CFAP58: variants seen among roughly 807,000 people sequenced by gnomAD.
CFAP58 encodes cilia and flagella associated protein 58.
CFAP58 carries 88 observed loss-of-function variants against 119.5 expected under a neutral mutation model. The ratio of observed to expected loss-of-function variants is 0.74; its 90% CI spans 0.62 to 0.88. The LOEUF is 0.88. Among genes scored for constraint, CFAP58 ranks in the 40% least tolerant of loss-of-function variants. The probability of loss-of-function intolerance (pLI) is 0.00; values close to 1 mark genes in which losing one functional copy is unlikely to be tolerated. For missense variants in CFAP58, 990 were observed against 1,021.2 expected (o/e 0.97, Z 0.42); for synonymous variants, 365 against 366.3 (o/e 1.00, Z 0.04).
chr10:104,416,365 C>G (rs1053761806), intron 15 of CFAP58, among the ~76,000 whole-genome samples: 1 of 152,138 alleles, frequency 6.6e-6, no homozygotes, highest in African/African-American at 2.4e-5. Flanking sequence ...AGGGGCATAT[C>G]CCTCAGATAA....
chr10:104,438,341 G>GTTTTTTTTTTTT (rs1325921091), intron 15 of CFAP58, among the ~76,000 whole-genome samples: 1 of 101,290 alleles, frequency 9.9e-6, no homozygotes, highest in African/African-American at 4.5e-5. Context: ...TTTGTTTTTT[G>GTTTTTTTTTTTT]TTTTTTGTTT....
At chr10:104,421,423 T>G (rs1256837696) in intron 15 of CFAP58, among the ~76,000 whole-genome samples, 2 of 152,232 alleles carry the variant, frequency 1.3e-5, no homozygotes, top group African/African-American at 4.8e-5. Context: ...ATATATCCCC[T>G]GCCTATGTGC....
chr10:104,364,011 C>T (rs1314118056), intron 3 of CFAP58, among the ~76,000 whole-genome samples: 1 of 152,172 alleles, frequency 6.6e-6, no homozygotes, highest in Non-Finnish European at 1.5e-5. Context: ...AACTGGTTTA[C>T]AATTCAAATC....
chr10:104,374,140 T>TA (rs977376330), intron 7 of CFAP58, among the ~76,000 whole-genome samples: 13 of 152,074 alleles, frequency 8.5e-5, no homozygotes, highest in African/African-American at 2.9e-4. Flanking sequence ...GAGCTCTTTG[T>TA]TACATGTAAA....
In CFAP58 at chr10:104,353,926, C is replaced by T; in HGVS notation, c.9+20C>T. 6.2e-7 allele frequency: 1 copy of T among 1,613,536 alleles called. No individual in the cohort carries two copies. The highest frequency in any genetic ancestry group is 1.1e-5 in the South Asian group (1 of 91,064). On this transcript the variant is annotated intron_variant, in intron 1 of 17. Coordinates refer to ENST00000369704, the MANE Select transcript of CFAP58 (RefSeq NM_001008723.2). ...GCTGAGGTCAGGAGTCAGCGCCCCT[C>T]TGTCGCCTTTCCCTTGACCCCTCCC...
chr10:104,419,746 TA>T (rs1170952634), intron 15 of CFAP58, among the ~76,000 whole-genome samples: 1 of 152,196 alleles, frequency 6.6e-6, no homozygotes, highest in Non-Finnish European at 1.5e-5. Flanking sequence ...GCCTATCTCC[TA>T]GAGTTATTGG....
At chr10:104,377,404 G>A (rs1454070370) in intron 8 of CFAP58, among the ~76,000 whole-genome samples, 1 of 152,162 alleles carries the variant, frequency 6.6e-6, no homozygotes, top group Non-Finnish European at 1.5e-5. Context: ...AGCTCAGTGT[G>A]GTCCAAAGCT....
Position 104,400,873 on chromosome 10 carries a change from C to T in CFAP58, c.2009C>T (p.Ala670Val), listed in dbSNP as rs776935449. The T allele has an allele frequency of 1.1e-5, 18 of 1,614,014 alleles. 1 individual carries two copies. The highest frequency in any genetic ancestry group is 1.4e-5 in the Non-Finnish European group (17 of 1,179,964). Residue 670 changes from alanine to valine, a missense_variant, in exon 13 of 18, where the codon GCC becomes GTC. By Grantham distance (64) the Ala-to-Val change is moderately conservative (BLOSUM62 0). Transcript: ENST00000369704. Reference sequence around the variant, plus strand: ...CTTCGCCGGGAAAAGGGGATTCTTGCCAGGAGTATGGCTAATGTTGAAGAA... The same window carrying T: ...CTTCGCCGGGAAAAGGGGATTCTTGTCAGGAGTATGGCTAATGTTGAAGAA... ...KKLRREKGIL[A>V]RSMANVEELR...
In CFAP58 at chr10:104,358,491, T is replaced by C. The variant is rs748155285; in HGVS notation, c.160T>C (p.Tyr54His). ...ERLHAVMKKSYDNEKRLMAKC... is the reference protein window; with the variant it reads ...ERLHAVMKKSHDNEKRLMAKC... Reference sequence around the variant, plus strand: ...GCTTCATGCTGTCATGAAAAAGTCTTATGACAATGAAAAGCGTCTGATGGC... The same window carrying C: ...GCTTCATGCTGTCATGAAAAAGTCTCATGACAATGAAAAGCGTCTGATGGC... The change falls in exon 2 of 18, where the codon TAT becomes CAT. Residue 54 changes from tyrosine (Y) to histidine (H), a missense_variant. Tyr to His is a moderately conservative substitution (Grantham distance 83). Coordinates refer to ENST00000369704, the MANE Select transcript of CFAP58 (RefSeq NM_001008723.2). 1 of 1,614,100 alleles carries C rather than the reference T, an allele frequency of 6.2e-7. No individual in the cohort carries two copies.
chr10:104,450,704 TA>T (rs1429131711), intron 17 of CFAP58, among the ~76,000 whole-genome samples: 39 of 145,852 alleles, frequency 2.7e-4, no homozygotes, highest in East Asian at 1.6e-3. Flanking sequence ...TTTATTTATT[TA>T]TTTATTTTTG....
At chr10:104,354,702 T>C (rs2014517964) in intron 1 of CFAP58, among the ~76,000 whole-genome samples, 1 of 152,144 alleles carries the variant, frequency 6.6e-6, no homozygotes, top group Non-Finnish European at 1.5e-5. Flanking sequence ...CAGGACCAGC[T>C]ACATGATTTG....
intron 13 of CFAP58, among the ~76,000 whole-genome samples, chr10:104,401,500 C>T (rs1291736113): frequency 2.6e-5 from 4 of 152,200 alleles, no homozygotes; most frequent in Non-Finnish European, 5.9e-5. Flanking sequence ...GATCTACTTT[C>T]CCTTTGGGAA....
chr10:104,369,478 C>A (rs1019574038), intron 6 of CFAP58, among the ~76,000 whole-genome samples: 2 of 152,166 alleles, frequency 1.3e-5, no homozygotes, highest in African/African-American at 4.8e-5. Flanking sequence ...CTAATTTGAA[C>A]CCTATAGGGT....
At chr10:104,367,040 G>A (rs1379293888) in intron 5 of CFAP58, among the ~76,000 whole-genome samples, 3 of 151,878 alleles carry the variant, frequency 2.0e-5, no homozygotes, top group Non-Finnish European at 4.4e-5. Flanking sequence ...TATATTTTTA[G>A]TAGAGACAGG....
intron 15 of CFAP58, among the ~76,000 whole-genome samples, chr10:104,422,662 A>G (rs867755010): frequency 6.6e-5 from 10 of 152,162 alleles, no homozygotes; most frequent in Non-Finnish European, 1.5e-4. Context: ...TAGTGTCTGA[A>G]CTACCTGTCT....
chr10:104,358,601 C>A lies in CFAP58; in HGVS notation c.270C>A (p.Thr90=). 6.2e-7 allele frequency: 1 copy of A among 1,613,174 alleles called. No homozygotes were observed. The highest frequency in any genetic ancestry group is 8.5e-7 in the Non-Finnish European group (1 of 1,179,348). Residue 90 remains threonine (T), a synonymous_variant, in exon 2 of 18, where the codon ACC becomes ACA. Coordinates refer to ENST00000369704, the MANE Select transcript of CFAP58 (RefSeq NM_001008723.2). ...TTAAGCTCTCTCAGGATGATCAGACCACCATTGCATCCCTAAAGAAGGTCA... is the reference window on the plus strand; with the variant it reads ...TTAAGCTCTCTCAGGATGATCAGACAACCATTGCATCCCTAAAGAAGGTCA... ...TALKLSQDDQ[T]TIASLKKEIE...
At position 104,407,848 on chromosome 10, in the gene CFAP58, C is replaced by T. The variant is rs192758980; in HGVS notation, c.2256+1055C>T. The stretch of plus-strand genomic sequence containing the variant: ...AGTAGCTGGGGTTACAGGTGTGTGC[C>T]ACCATGCCTGGCTAATTTTTGTATT... On this transcript the variant is annotated intron_variant, in intron 15 of 17. Transcript: ENST00000369704. Among the ~76,000 whole-genome samples the T allele has an allele frequency of 4.6e-5, 7 of 152,224 alleles. No individual in the cohort carries two copies. In the East Asian group the frequency reaches 1.4e-3, roughly 29 times the overall value.
rs2012372128 is a variant in CFAP58 at position 104,406,912 on chromosome 10, CA to C, written c.2256+121del. 4.2e-6 allele frequency: 3 copies of C among 706,966 alleles called. No homozygotes were observed. The South Asian group carries it at 5.3e-5, about 12-fold the overall frequency. 43.8% of individuals were successfully genotyped at this position (706,966 alleles called of 1,614,324 possible). ...ATGTCCTGTATTTAACTGTAGATGG[CA>C]ACAGTGACTTACACATAAAGAACAA... On this transcript the variant is annotated intron_variant, in intron 15 of 17. Transcript: ENST00000369704.
Position 104,400,748 on chromosome 10 carries a change from T to C in CFAP58, c.1884T>C (p.Tyr628=), listed in dbSNP as rs1181581556. The C allele has an allele frequency of 1.9e-6, 3 of 1,614,144 alleles. No individual in the cohort carries two copies. In the East Asian group the frequency reaches 6.7e-5, roughly 36 times the overall value. Residue 628 remains tyrosine, a synonymous_variant, in exon 13 of 18, where the codon TAT becomes TAC. Coordinates refer to ENST00000369704, the MANE Select transcript of CFAP58 (RefSeq NM_001008723.2). Reference sequence around the variant, plus strand: ...GCAATGATGAGTTAGCTTTGCTCTATGAGAAGATCAAGATCCAACAGTCTG... The same window carrying C: ...GCAATGATGAGTTAGCTTTGCTCTACGAGAAGATCAAGATCCAACAGTCTG... ...VRRNDELALL[Y]EKIKIQQSVL...
Sources: allele counts gnomAD v4.1 joint callset (sites outside exome capture counted in the v4.1 genomes callset), GRCh38; gene constraint gnomAD v4.1.1; transcripts MANE v1.5; gene names NCBI Gene and HGNC (gene_info 2026-07-23, HGNC 2026-07-21).